Variants in MAST4 observed in about 807,000 individuals in gnomAD.
MAST4 encodes microtubule associated serine/threonine kinase family member 4, also known as microtubule-associated serine/threonine-protein kinase 4.
MAST4 carries 89 observed loss-of-function variants against 162.7 expected under a neutral mutation model. The ratio of observed to expected loss-of-function variants is 0.55; its 90% CI spans 0.46 to 0.65. The LOEUF is 0.65. MAST4 is among the 30% of genes least tolerant of loss of function. The pLI, the probability that MAST4 is intolerant of heterozygous loss-of-function variation, is 0.00. For synonymous variants in MAST4, 1,479 were observed against 1,361.1 expected, an observed-to-expected ratio of 1.09 and a Z score of -1.91; for missense variants, 3,153 against 3,374.0, an observed-to-expected ratio of 0.93 and a Z score of 1.62.
chr5:66,808,696 C>T (rs1187384697), intron 3 of MAST4, among the ~76,000 whole-genome samples: 1 of 152,134 alleles, frequency 6.6e-6, no homozygotes, highest in Non-Finnish European at 1.5e-5. Context: ...CATCCTTTTG[C>T]CCTGCATTTG....
At chr5:67,021,526 A>G (rs959716459) in intron 4 of MAST4, among the ~76,000 whole-genome samples, 5 of 152,244 alleles carry the variant, frequency 3.3e-5, no homozygotes, top group African/African-American at 1.2e-4. Flanking sequence ...TAAACCAGGA[A>G]TTTCTGAAAT....
chr5:66,642,941 G>A (rs1306518077), intron 1 of MAST4, among the ~76,000 whole-genome samples: 1 of 152,190 alleles, frequency 6.6e-6, no homozygotes, highest in Non-Finnish European at 1.5e-5. Flanking sequence ...AAGCTGGGAA[G>A]AAGGGGTGCC....
chr5:66,864,993 T>A (rs1485679389), intron 3 of MAST4, among the ~76,000 whole-genome samples: 1 of 152,074 alleles, frequency 6.6e-6, no homozygotes, highest in Non-Finnish European at 1.5e-5. Context: ...GCATTAGACA[T>A]GGGGCAGTGC....
chr5:67,129,477 T>A (rs1043547778), intron 14 of MAST4, among the ~76,000 whole-genome samples: 7 of 152,064 alleles, frequency 4.6e-5, no homozygotes. Flanking sequence ...CCTAGCACTT[T>A]GGGAGGCCAA....
intron 9 of MAST4, among the ~76,000 whole-genome samples, chr5:67,103,026 G>A (rs952546591): frequency 6.6e-6 from 1 of 152,188 alleles, no homozygotes; most frequent in Non-Finnish European, 1.5e-5. Context: ...TGCTGTTGTT[G>A]TTGTTTTTCC....
intron 1 of MAST4, among the ~76,000 whole-genome samples, chr5:66,692,344 TTGTGCTCATA>T (rs1580210407): frequency 1.3e-5 from 2 of 152,104 alleles, no homozygotes; most frequent in East Asian, 3.9e-4. Flanking sequence ...ATAAGCTCTT[TTGTGCTCATA>T]TTTTGTTTTT....
chr5:66,847,528 G>C (rs947981231), intron 3 of MAST4, among the ~76,000 whole-genome samples: 1 of 152,132 alleles, frequency 6.6e-6, no homozygotes, highest in East Asian at 1.9e-4. Context: ...CAGATACTTG[G>C]GAAGTTGAGG....
intron 1 of MAST4, among the ~76,000 whole-genome samples, chr5:66,708,132 G>A (rs1750256544): frequency 6.6e-6 from 1 of 152,172 alleles, no homozygotes; most frequent in Non-Finnish European, 1.5e-5. Flanking sequence ...ACACAGCTCT[G>A]CAAAGCTAGT....
chr5:66,700,090 C>G (rs1222686379), intron 1 of MAST4, among the ~76,000 whole-genome samples: 1 of 152,208 alleles, frequency 6.6e-6, no homozygotes, highest in Admixed American at 6.5e-5. Flanking sequence ...TGCTCTGTGG[C>G]TTTGCCTCTA....
In MAST4 at chr5:66,820,651, G is replaced by A. The variant is rs142088348; in HGVS notation, c.642+31857G>A. ...AGAAATGCTATATTTTGTTGGATTCGTGTGTTTGCAAAGTAGAGAATATTT... is the reference window on the plus strand; with the variant it reads ...AGAAATGCTATATTTTGTTGGATTCATGTGTTTGCAAAGTAGAGAATATTT... On this transcript the variant is annotated intron_variant, in intron 3 of 28. Transcript: ENST00000403625. 2.1e-4 allele frequency among the ~76,000 whole-genome samples: 32 copies of A among 152,246 alleles called. No individual in the cohort carries two copies. In the East Asian group the frequency reaches 4.6e-3, roughly 22 times the overall value.
chr5:67,062,601 A>G (rs1400934914), intron 5 of MAST4, among the ~76,000 whole-genome samples: 1 of 152,240 alleles, frequency 6.6e-6, no homozygotes, highest in East Asian at 1.9e-4. Flanking sequence ...CATAGACATG[A>G]TAGTACAAGA....
intron 4 of MAST4, among the ~76,000 whole-genome samples, chr5:66,914,405 C>T (rs1763969886): frequency 6.6e-6 from 1 of 152,138 alleles, no homozygotes. Context: ...CCAAAAAGCC[C>T]CTCAGAGAAG....
chr5:67,058,803 A>C (rs532609932), intron 5 of MAST4, among the ~76,000 whole-genome samples: 1 of 152,346 alleles, frequency 6.6e-6, no homozygotes, highest in Non-Finnish European at 1.5e-5. Context: ...ATAAGAAAGT[A>C]GGGAAATTAG....
At chr5:66,722,899 A>G (rs1751304419) in intron 1 of MAST4, among the ~76,000 whole-genome samples, 1 of 152,130 alleles carries the variant, frequency 6.6e-6, no homozygotes, top group African/African-American at 2.4e-5. Context: ...CACCTGCCAG[A>G]TATGTAGTTG....
chr5:66,923,500 G>T (rs1446067365), intron 4 of MAST4, among the ~76,000 whole-genome samples: 1 of 152,226 alleles, frequency 6.6e-6, no homozygotes, highest in Non-Finnish European at 1.5e-5. Context: ...CATGCAACTG[G>T]TTGGTGAGGG....
At chr5:66,955,992 G>C (rs958917840) in intron 4 of MAST4, among the ~76,000 whole-genome samples, 1 of 149,988 alleles carries the variant, frequency 6.7e-6, no homozygotes, top group Non-Finnish European at 1.5e-5. Context: ...TTGTTTGTTT[G>C]TTTGTTTTTT....
intron 3 of MAST4, among the ~76,000 whole-genome samples, chr5:66,826,434 G>C (rs188562937): frequency 6.6e-6 from 1 of 152,046 alleles, no homozygotes; most frequent in Non-Finnish European, 1.5e-5. Flanking sequence ...ATGCATGCAC[G>C]TCAGCTGACA....
intron 5 of MAST4, among the ~76,000 whole-genome samples, chr5:67,062,807 C>CT (rs1261109704): frequency 6.6e-6 from 1 of 151,878 alleles, no homozygotes; most frequent in African/African-American, 2.4e-5. Flanking sequence ...CATACATTTC[C>CT]TTTTTAAAAA....
intron 16 of MAST4, among the ~76,000 whole-genome samples, chr5:67,132,907 C>T (rs1030201190): frequency 2.0e-5 from 3 of 151,972 alleles, no homozygotes; most frequent in African/African-American, 4.8e-5. Context: ...TTAAAAAATA[C>T]CTCTATTCTT....
Sources: allele counts gnomAD v4.1 joint callset (sites outside exome capture counted in the v4.1 genomes callset), GRCh38; gene constraint gnomAD v4.1.1; transcripts MANE v1.5; gene names NCBI Gene and HGNC (gene_info 2026-07-23, HGNC 2026-07-21).